GRB10: variants seen among roughly 807,000 people sequenced by gnomAD.
GRB10 encodes the protein growth factor receptor-bound protein 10.
GRB10 carries 20 observed loss-of-function variants against 80.9 expected under a neutral mutation model. The ratio of observed to expected loss-of-function variants is 0.25; its 90% CI spans 0.17 to 0.36. The LOEUF (loss-of-function observed/expected upper bound fraction) is 0.36. Ranked by LOEUF, GRB10 falls within the 10% of genes least tolerant of loss-of-function variation. The pLI, the probability that GRB10 is intolerant of heterozygous loss-of-function variation, is 1.00. For missense variants in GRB10, 548 were observed against 747.7 expected (o/e 0.73, Z 3.12); for synonymous variants, 291 against 291.5 (o/e 1.00, Z 0.02).
chr7:50,762,168 A>G (rs910039915), intron 2 of GRB10, among the ~76,000 whole-genome samples: 1 of 151,926 alleles, frequency 6.6e-6, no homozygotes, highest in African/African-American at 2.4e-5. Context: ...AACCGATCTG[A>G]ACGTTTAGTA....
intron 2 of GRB10, among the ~76,000 whole-genome samples, chr7:50,762,968 A>T (rs529658818): frequency 6.6e-6 from 1 of 152,284 alleles, no homozygotes; most frequent in East Asian, 1.9e-4. Context: ...ATACAAAAAA[A>T]TTAGCTGAGC....
At chr7:50,786,995 G>C (rs2078719797), upstream of GRB10, among the ~76,000 whole-genome samples, 1 of 152,156 alleles carries the variant, frequency 6.6e-6, no homozygotes, top group South Asian at 2.1e-4. Flanking sequence ...GGGAAGAATG[G>C]TAAGTACATT....
chr7:50,650,897 T>C (rs1261736219), intron 7 of GRB10, among the ~76,000 whole-genome samples: 1 of 152,248 alleles, frequency 6.6e-6, no homozygotes, highest in Non-Finnish European at 1.5e-5. Context: ...TTTTTCTTAC[T>C]GATTTATAAG....
Position 50,693,220 on chromosome 7 carries a change from A to G in GRB10, c.139+10601T>C, listed in dbSNP as rs193182742. Among the ~76,000 whole-genome samples the G allele has an allele frequency of 2.5e-4, 38 of 151,968 alleles. 1 individual carries two copies. The South Asian group carries it at 6.7e-3, about 27-fold the overall frequency. ...GTTGCTAAGAATGGCTTCTTGGAGG[A>G]AAAAAAACAAAATTTTTTCTTGATC... On this transcript the variant is annotated intron_variant, in intron 5 of 18. Transcript: ENST00000401949.
At chr7:50,755,137 G>A (rs954020108) in intron 3 of GRB10, among the ~76,000 whole-genome samples, 9 of 152,184 alleles carry the variant, frequency 5.9e-5, no homozygotes, top group East Asian at 1.9e-4. Flanking sequence ...GGGGAAGCCC[G>A]AGCTAACAGC....
chr7:50,614,683 G>C (rs1337515426), intron 12 of GRB10, 87 bp downstream of exon 12: 7 of 841,578 alleles, frequency 8.3e-6, no homozygotes, highest in Non-Finnish European at 1.5e-5. Flanking sequence ...GACAATAGAA[G>C]CAACAATCAA....
At chr7:50,643,449 G>GT (rs1314288003) in intron 7 of GRB10, among the ~76,000 whole-genome samples, 3 of 152,180 alleles carry the variant, frequency 2.0e-5, no homozygotes, top group African/African-American at 7.2e-5. Flanking sequence ...GTCACGACAG[G>GT]TGTGAAAAGG....
chr7:50,615,521 C>T (rs1271909057), intron 11 of GRB10, among the ~76,000 whole-genome samples: 2 of 152,230 alleles, frequency 1.3e-5, no homozygotes, highest in African/African-American at 4.8e-5. Context: ...AACACCTTCC[C>T]AGAGCCGGTT....
intron 5 of GRB10, among the ~76,000 whole-genome samples, chr7:50,676,542 C>T (rs1417029129): frequency 6.6e-6 from 1 of 152,134 alleles, no homozygotes; most frequent in African/African-American, 2.4e-5. Context: ...GTCACATAAG[C>T]GGTATTGAAA....
At chr7:50,673,448 C>T (rs946814515) in intron 6 of GRB10, among the ~76,000 whole-genome samples, 2 of 152,140 alleles carry the variant, frequency 1.3e-5, no homozygotes, top group Non-Finnish European at 2.9e-5. Flanking sequence ...CTCTAGACAC[C>T]CTCCTCCCAG....
chr7:50,746,689 C>T (rs532837442), intron 3 of GRB10, among the ~76,000 whole-genome samples: 2 of 152,306 alleles, frequency 1.3e-5, no homozygotes, highest in Admixed American at 6.5e-5. Flanking sequence ...GCCTACTGCC[C>T]TAAACCTCCC....
intron 7 of GRB10, among the ~76,000 whole-genome samples, chr7:50,666,780 T>C (rs2059852853): frequency 6.6e-6 from 1 of 151,754 alleles, no homozygotes. Context: ...GTGGCTCACA[T>C]CTGTAATCCC....
intron 4 of GRB10, among the ~76,000 whole-genome samples, chr7:50,722,104 C>T (rs2067849980): frequency 6.6e-6 from 1 of 152,148 alleles, no homozygotes; most frequent in African/African-American, 2.4e-5. Flanking sequence ...GTCTCTCCTG[C>T]ACCCCAGAGG....
At chr7:50,710,764 C>G in intron 4 of GRB10, 2 of 1,202,210 alleles carry the variant, frequency 1.7e-6, no homozygotes, top group Non-Finnish European at 2.5e-6. Flanking sequence ...CTTCCTGAGG[C>G]AGAACGACCA....
rs1373727811 is a variant in GRB10, at chr7:50,730,689, A to G, written c.51+1583T>C. 3.9e-5 allele frequency among the ~76,000 whole-genome samples: 6 copies of G among 152,178 alleles called. No individual in the cohort carries two copies. In the East Asian group the frequency reaches 1.2e-3, roughly 29 times the overall value. On this transcript the variant is annotated intron_variant, in intron 4 of 18. Coordinates refer to ENST00000401949, the MANE Select transcript of GRB10 (RefSeq NM_001350814.2). ...AGGAAAGCAGCCTGGGGCATCGGTG[A>G]CTACAAACACCTAACAAGGCCATCA... is the stretch of plus-strand genomic sequence containing the variant.
intron 3 of GRB10, among the ~76,000 whole-genome samples, chr7:50,746,517 C>T (rs188278369): frequency 1.3e-5 from 2 of 152,288 alleles, no homozygotes; most frequent in African/African-American, 4.8e-5. Flanking sequence ...TCTGGTGACA[C>T]TGCCAGACCC....
chr7:50,646,278 T>G lies in GRB10; in HGVS notation c.505-19300A>C, dbSNP rs565562084. Among the ~76,000 whole-genome samples the G allele has an allele frequency of 3.9e-5, 6 of 152,262 alleles. No individual in the cohort carries two copies. The South Asian group carries it at 1.2e-3, about 32-fold the overall frequency. Reference sequence around the variant, plus strand: ...CGGGGGCCCTTGTTTCCGGGAGCTGTTCATCAAAAGAGGGTTGAGGTAAAT... The same window carrying G: ...CGGGGGCCCTTGTTTCCGGGAGCTGGTCATCAAAAGAGGGTTGAGGTAAAT... On this transcript the variant is annotated intron_variant, in intron 7 of 18. Coordinates refer to ENST00000401949, the MANE Select transcript of GRB10 (RefSeq NM_001350814.2).
intron 4 of GRB10, among the ~76,000 whole-genome samples, chr7:50,721,380 G>A (rs1235131555): frequency 6.6e-6 from 1 of 152,244 alleles, no homozygotes; most frequent in Non-Finnish European, 1.5e-5. Context: ...GCCTGCCCAT[G>A]AGTCACAGAG....
chr7:50,686,774 T>G (rs1201350216), intron 5 of GRB10, among the ~76,000 whole-genome samples: 1 of 152,186 alleles, frequency 6.6e-6, no homozygotes, highest in Non-Finnish European at 1.5e-5. Flanking sequence ...AGCAGGCATT[T>G]TTATATATTT....
Sources: gnomAD v4.1 joint callset for allele counts (sites outside exome capture counted in the v4.1 genomes callset) on GRCh38, gnomAD v4.1.1 for gene constraint, MANE v1.5 for transcripts, NCBI Gene and HGNC (gene_info 2026-07-23, HGNC 2026-07-21) for gene names.